Variants in CACNA1A observed in about 807,000 individuals in gnomAD.
The protein encoded by CACNA1A is calcium voltage-gated channel subunit alpha1 A.
Under a neutral mutation model 262.4 loss-of-function variants are expected in CACNA1A, and 57 were observed. The ratio of observed to expected loss-of-function variants is 0.22; its 90% CI spans 0.18 to 0.27. The LOEUF (loss-of-function observed/expected upper bound fraction) is 0.27. Ranked by LOEUF, CACNA1A falls within the 10% of genes least tolerant of loss-of-function variation. The pLI is 1.00. For missense variants in CACNA1A, 2,526 were observed against 3,562.8 expected (o/e 0.71, Z 7.41); for synonymous variants, 1,431 against 1,419.3 (o/e 1.01, Z -0.18).
intron 3 of CACNA1A, among the ~76,000 whole-genome samples, chr19:13,380,645 CAAAAAAA>C (rs370031243): frequency 0.011 from 631 of 55,230 alleles, 5 homozygotes; most frequent in African/African-American, 0.044. Flanking sequence ...GACTCTGTCT[CAAAAAAA>C]AAAAAAAAAA....
chr19:13,355,727 G>A (rs143175044), intron 6 of CACNA1A, among the ~76,000 whole-genome samples: 16 of 152,268 alleles, frequency 1.1e-4, no homozygotes, highest in African/African-American at 3.4e-4. Context: ...AGGCATCCCC[G>A]TCCTCAAGGA....
At chr19:13,380,568 C>T (rs1445710743) in intron 3 of CACNA1A, among the ~76,000 whole-genome samples, 1 of 139,598 alleles carries the variant, frequency 7.2e-6, no homozygotes, top group Non-Finnish European at 1.5e-5. Flanking sequence ...ACTGCTTGAA[C>T]CCATGAGGTG....
chr19:13,259,891 T>C (rs1338020420), intron 26 of CACNA1A, 190 bp from the exon 27 acceptor site: 2 of 601,870 alleles, frequency 3.3e-6, no homozygotes, highest in Non-Finnish European at 5.9e-6. Flanking sequence ...TGCATCTACT[T>C]TGAGATAAAT....
At chr19:13,498,930 A>G (rs1555795853) in intron 1 of CACNA1A, among the ~76,000 whole-genome samples, 1 of 152,128 alleles carries the variant, frequency 6.6e-6, no homozygotes, top group Non-Finnish European at 1.5e-5. Context: ...CCCTACTCAG[A>G]TAAGAACTGA....
In CACNA1A at chr19:13,255,143, G is replaced by A. The variant is rs201475701; in HGVS notation, c.4707C>T (p.Tyr1569=). Reference sequence around the variant, plus strand: ...TGAGGGCGATCATGGCCATGATCGTGTACTCGAAAGGCGGAGACACCACGA... The same window carrying A: ...TGAGGGCGATCATGGCCATGATCGTATACTCGAAAGGCGGAGACACCACGA... ...WQFVVSPPFE[Y]TIMAMIALNT... Residue 1569 remains tyrosine, a synonymous_variant, in exon 29 of 47, where the codon TAC becomes TAT. Coordinates refer to ENST00000360228, the MANE Select transcript of CACNA1A (RefSeq NM_001127222.2). The A allele has an allele frequency of 1.9e-6, 3 of 1,613,824 alleles. No individual in the cohort carries two copies. The highest frequency in any genetic ancestry group is 2.5e-6 in the Non-Finnish European group (3 of 1,179,854).
At chr19:13,397,560 TCA>T (rs752373185) in intron 3 of CACNA1A, among the ~76,000 whole-genome samples, 7 of 152,064 alleles carry the variant, frequency 4.6e-5, no homozygotes, top group Admixed American at 1.3e-4. Flanking sequence ...TCCTGGATGC[TCA>T]GTTAGACTCC....
chr19:13,254,406 A>G (rs955605447), intron 29 of CACNA1A, among the ~76,000 whole-genome samples: 7 of 149,652 alleles, frequency 4.7e-5, no homozygotes, highest in Non-Finnish European at 8.9e-5. Flanking sequence ...CTTGTTGCCC[A>G]GGCTAGAGTG....
At chr19:13,386,223 G>A (rs573881385) in intron 3 of CACNA1A, among the ~76,000 whole-genome samples, 5 of 150,710 alleles carry the variant, frequency 3.3e-5, no homozygotes, top group East Asian at 1.9e-4. Context: ...ACCACTACCC[G>A]CCTTACTGGC....
At chr19:13,275,651 T>C in intron 24 of CACNA1A, 199 bp downstream of exon 24, 1 of 577,366 alleles carries the variant, frequency 1.7e-6, no homozygotes, top group Non-Finnish European at 3.1e-6. Context: ...GGAGGGGGGG[T>C]CCCTTCTCCT....
In CACNA1A at chr19:13,257,551, C is replaced by A; in HGVS notation, c.4389G>T (p.Gln1463His). 1 of 1,570,494 alleles carries A rather than the reference C, an allele frequency of 6.4e-7. No individual in the cohort carries two copies. Among genetic ancestry groups the A allele is most frequent in the Non-Finnish European group, 8.6e-7 (1 of 1,156,848 alleles). The change falls in exon 28 of 47, where the codon CAG becomes CAT. Residue 1463 changes from glutamine to histidine, a missense_variant and splice_region_variant. Gln to His is a conservative substitution (Grantham distance 24). Around this residue, in one of 17 missense-constraint regions of CACNA1A, gnomAD observed 137 missense variants for 377.7 expected, o/e 0.36. Coordinates refer to ENST00000360228, the MANE Select transcript of CACNA1A (RefSeq NM_001127222.2). The stretch of plus-strand genomic sequence containing the variant: ...TGGCGTCCACCGAATGCTTGAGGAC[C>A]CTGCAAGGAATGGGGCAGGGAGAGG... ...FTVSTGEGWP[Q>H]VLKHSVDATF...
chr19:13,229,569 G>A (rs1247059613), intron 36 of CACNA1A: 1 of 152,902 alleles, frequency 6.5e-6, no homozygotes, highest in Admixed American at 6.5e-5. Flanking sequence ...ATGGGCCCCT[G>A]AGGCTCTGCG....
At chr19:13,502,892 C>T (rs1046282657) in intron 1 of CACNA1A, among the ~76,000 whole-genome samples, 3 of 152,044 alleles carry the variant, frequency 2.0e-5, no homozygotes, top group Non-Finnish European at 2.9e-5. Flanking sequence ...GTGAGCATAC[C>T]GACAAGTTCA....
At chr19:13,326,245 G>A (rs569508450) in intron 10 of CACNA1A, among the ~76,000 whole-genome samples, 1 of 151,760 alleles carries the variant, frequency 6.6e-6, no homozygotes, top group African/African-American at 2.4e-5. Flanking sequence ...AACCTGGAAG[G>A]TGGAGGTTGC....
intron 1 of CACNA1A, among the ~76,000 whole-genome samples, chr19:13,488,754 G>A (rs1470158760): frequency 6.6e-6 from 1 of 151,938 alleles, no homozygotes; most frequent in East Asian, 1.9e-4. Flanking sequence ...ATCACCTGAG[G>A]AATCTCACTG....
intron 1 of CACNA1A, among the ~76,000 whole-genome samples, chr19:13,461,375 C>CAA (rs1174086851): frequency 7.9e-6 from 1 of 126,074 alleles, no homozygotes; most frequent in Admixed American, 7.5e-5. Context: ...CAAAACAAAA[C>CAA]AAAACAAAAA....
chr19:13,219,786 T>G (rs986270649), intron 38 of CACNA1A, among the ~76,000 whole-genome samples: 2 of 151,586 alleles, frequency 1.3e-5, no homozygotes, highest in African/African-American at 4.9e-5. Context: ...ACCCCGTTTC[T>G]ACTAAAAATA....
intron 1 of CACNA1A, among the ~76,000 whole-genome samples, chr19:13,486,390 GTCTGTC>G (rs1179517078): frequency 2.3e-5 from 2 of 87,854 alleles, no homozygotes; most frequent in African/African-American, 1.4e-4. Flanking sequence ...CTCTCTGTCT[GTCTGTC>G]TCTCTCTCTC....
At chr19:13,431,675 C>T (rs2060506613) in intron 3 of CACNA1A, among the ~76,000 whole-genome samples, 1 of 152,080 alleles carries the variant, frequency 6.6e-6, no homozygotes, top group African/African-American at 2.4e-5. Flanking sequence ...TATATGTACA[C>T]AATGAAGTAC....
intron 3 of CACNA1A, among the ~76,000 whole-genome samples, chr19:13,426,699 G>A (rs2060409042): frequency 6.6e-6 from 1 of 152,198 alleles, no homozygotes; most frequent in South Asian, 2.1e-4. Flanking sequence ...GTAAGCTGGT[G>A]AGAGACAGGT....
Sources: gnomAD v4.1 joint callset for allele counts (sites outside exome capture counted in the v4.1 genomes callset) on GRCh38, gnomAD v4.1.1 for gene constraint, gnomAD v4.1.1 regional missense constraint, MANE v1.5 for transcripts, NCBI Gene and HGNC (gene_info 2026-07-23, HGNC 2026-07-21) for gene names.